KIAA2012: variants seen among roughly 807,000 people sequenced by gnomAD.
KIAA2012 encodes KIAA2012.
KIAA2012 carries 125 observed loss-of-function variants against 150.6 expected under a neutral mutation model. That is an observed-to-expected ratio of 0.83 (90% CI 0.72 to 0.96). The LOEUF is 0.96. Among genes scored for constraint, KIAA2012 ranks in the 40% least tolerant of loss-of-function variants. The pLI is 0.00. For synonymous variants in KIAA2012, 462 were observed against 504.7 expected (o/e 0.92, Z 1.13); for missense variants, 1,219 against 1,354.9 (o/e 0.90, Z 1.57).
chr2:202,153,944 T>G (rs1409136945), intron 13 of KIAA2012, among the ~76,000 whole-genome samples: 1 of 152,190 alleles, frequency 6.6e-6, no homozygotes, highest in Non-Finnish European at 1.5e-5. Context: ...AGAAGTGATA[T>G]GGTCCAGTAT....
At chr2:202,097,675 CGCCT>C in intron 5 of KIAA2012, 98 bp downstream of exon 5, 1 of 1,346,482 alleles carries the variant, frequency 7.4e-7, no homozygotes, top group Admixed American at 2.4e-5. Context: ...CTGCAACCTC[CGCCT>C]CCTGGGTTCA....
chr2:202,173,842 C>T (rs144252158), intron 15 of KIAA2012, among the ~76,000 whole-genome samples: 66 of 152,258 alleles, frequency 4.3e-4, no homozygotes, highest in African/African-American at 1.5e-3. Flanking sequence ...TTCACCCATT[C>T]CCAATTAAAA....
At chr2:202,145,563 TC>T (rs1247225677) in intron 13 of KIAA2012, among the ~76,000 whole-genome samples, 1 of 152,186 alleles carries the variant, frequency 6.6e-6, no homozygotes, top group Non-Finnish European at 1.5e-5. Flanking sequence ...TTAATTTTTT[TC>T]CTTTTTTCTT....
chr2:202,184,635 G>A (rs543068002), intron 15 of KIAA2012, 118 bp from the exon 16 acceptor site: 137 of 597,718 alleles, frequency 2.3e-4, no homozygotes, highest in Middle Eastern at 1.6e-3. Flanking sequence ...TATAGCATAC[G>A]TCATTGTTCT....
At chr2:202,119,666 G>A (rs1437544444) in intron 11 of KIAA2012, among the ~76,000 whole-genome samples, 2 of 152,104 alleles carry the variant, frequency 1.3e-5, no homozygotes, top group Non-Finnish European at 2.9e-5. Flanking sequence ...CTAGGAGTGG[G>A]GGTGGGGGAC....
intron 7 of KIAA2012, among the ~76,000 whole-genome samples, chr2:202,102,666 T>C (rs937167619): frequency 6.6e-6 from 1 of 152,202 alleles, no homozygotes; most frequent in African/African-American, 2.4e-5. Context: ...TCTTTCCAGC[T>C]GCAAGAAAAA....
intron 15 of KIAA2012, among the ~76,000 whole-genome samples, chr2:202,171,278 A>G (rs1691884539): frequency 6.6e-6 from 1 of 152,178 alleles, no homozygotes; most frequent in Admixed American, 6.5e-5. Flanking sequence ...TTTTAAAGGG[A>G]ATAAAAAGGT....
At chr2:202,135,991 T>A in intron 12 of KIAA2012, 1 of 318,584 alleles carries the variant, frequency 3.1e-6, no homozygotes, top group South Asian at 2.6e-5. Context: ...CTGATTCAAA[T>A]TTAAAAAAAA....
chr2:202,193,404 A>G lies in KIAA2012; in HGVS notation c.2915A>G (p.Gln972Arg). ...WLEVEKKRRE[Q>R]EEQRQLQQEQ... is the part of the protein sequence containing the mutation. ...GAGGTGGAGAAGAAGAGAAGGGAGC[A>G]GGAAGAGCAAAGGCAGCTCCAGCAG... Residue 972 changes from glutamine (Q) to arginine (R), a missense_variant, in exon 20 of 24, where the codon CAG (glutamine) becomes CGG (arginine). Transcript: ENST00000498697. The G allele has an allele frequency of 6.4e-7, 1 of 1,550,436 alleles. No individual in the cohort carries two copies. Among genetic ancestry groups the G allele is most frequent in the Non-Finnish European group, 8.7e-7 (1 of 1,146,850 alleles).
intron 13 of KIAA2012, among the ~76,000 whole-genome samples, chr2:202,145,657 T>G (rs1167801613): frequency 6.7e-6 from 1 of 149,884 alleles, no homozygotes; most frequent in Non-Finnish European, 1.5e-5. Context: ...AACAATTATC[T>G]CCCCATTCTC....
intron 2 of KIAA2012, among the ~76,000 whole-genome samples, chr2:202,087,906 T>G (rs749364047): frequency 2.0e-4 from 31 of 151,376 alleles, no homozygotes; most frequent in Non-Finnish European, 4.4e-4. Flanking sequence ...TGCAACGGAG[T>G]CTGGGAAAGC....
Position 202,093,116 on chromosome 2 carries a change from C to A in KIAA2012, c.616C>A (p.Pro206Thr), listed in dbSNP as rs763746288. Reference sequence around the variant, plus strand: ...GCCACAACAAGATCTTTCAGGTGTACCCCCAAAATACCATCTCCTGCCTGT... The same window carrying A: ...GCCACAACAAGATCTTTCAGGTGTAACCCCAAAATACCATCTCCTGCCTGT... The part of the protein sequence containing the change: ...LRPQQDLSGV[P>T]PKYHLLPVFP... Residue 206 changes from proline to threonine, a missense_variant, in exon 4 of 24, where the codon CCC becomes ACC. Transcript: ENST00000498697. The A allele has an allele frequency of 3.9e-6, 6 of 1,550,958 alleles. No individual in the cohort carries two copies. The East Asian group carries it at 1.5e-4, about 38-fold the overall frequency.
rs770110521 is a variant in KIAA2012, at chr2:202,075,322, G to A, written c.369+147G>A. On this transcript the variant is annotated intron_variant, in intron 2 of 23. Transcript: ENST00000498697. ...CTTCATCTCTAAAATGAGATTGACTGTACTCTTAGCCCTATCTGCTGCACA... is the reference window on the plus strand; with the variant it reads ...CTTCATCTCTAAAATGAGATTGACTATACTCTTAGCCCTATCTGCTGCACA... 8.2e-5 allele frequency: 77 copies of A among 940,496 alleles called. No individual in the cohort carries two copies. The Middle Eastern group carries it at 1.0e-3, about 12-fold the overall frequency. The allele number at this position is 940,496 out of a possible 1,614,324, so 58.3% of individuals were successfully genotyped here. A position where few individuals can be genotyped will look rare whatever the true frequency, so the allele number is the denominator to read the frequency against.
chr2:202,177,077 A>G (rs1692005986), intron 15 of KIAA2012, among the ~76,000 whole-genome samples: 1 of 152,216 alleles, frequency 6.6e-6, no homozygotes, highest in Non-Finnish European at 1.5e-5. Context: ...AAATGGTCAC[A>G]TATTTATACA....
At chr2:202,131,807 G>A (rs1690936141) in intron 12 of KIAA2012, among the ~76,000 whole-genome samples, 1 of 152,174 alleles carries the variant, frequency 6.6e-6, no homozygotes, top group South Asian at 2.1e-4. Flanking sequence ...GCACCCCAGG[G>A]TACATGCAGG....
chr2:202,114,395 G>A (rs1168959038), intron 11 of KIAA2012: 3 of 167,154 alleles, frequency 1.8e-5, no homozygotes, highest in Non-Finnish European at 4.4e-5. Context: ...TCAGCAGTTG[G>A]TTTATACCAG....
chr2:202,200,402 A>G lies in KIAA2012; in HGVS notation c.3408-2027A>G, dbSNP rs372348090. Reference sequence around the variant, plus strand: ...ACCCTCCATTTTTGCCTGAGGAAATACGAAAGCAGAAGTAACGGGATCTGT... The same window carrying G: ...ACCCTCCATTTTTGCCTGAGGAAATGCGAAAGCAGAAGTAACGGGATCTGT... On this transcript the variant is annotated intron_variant, in intron 22 of 23. Transcript: ENST00000498697. Among the ~76,000 whole-genome samples the G allele has an allele frequency of 4.6e-5, 7 of 152,290 alleles. No homozygotes were observed. In the East Asian group the frequency reaches 9.7e-4, roughly 21 times the overall value.
chr2:202,112,706 C>T (rs1051987247), intron 10 of KIAA2012, among the ~76,000 whole-genome samples: 5 of 152,308 alleles, frequency 3.3e-5, no homozygotes, highest in Admixed American at 6.5e-5. Context: ...GGGGAAACCC[C>T]GCAATCTAGT....
At chr2:202,110,134 C>T (rs1412033955) in intron 10 of KIAA2012, among the ~76,000 whole-genome samples, 1 of 152,160 alleles carries the variant, frequency 6.6e-6, no homozygotes, top group East Asian at 1.9e-4. Flanking sequence ...ACCCTTGCCC[C>T]CTGAGGCAAG....
Sources: allele counts gnomAD v4.1 joint callset (sites outside exome capture counted in the v4.1 genomes callset), GRCh38; gene constraint gnomAD v4.1.1; transcripts MANE v1.5; gene names NCBI Gene and HGNC (gene_info 2026-07-23, HGNC 2026-07-21).